Variants in TMEM182 observed in about 807,000 individuals in gnomAD.
TMEM182 encodes the protein transmembrane protein 182.
In TMEM182, 20 loss-of-function variants were observed where a neutral mutation model predicts 26.8. That is an observed-to-expected ratio of 0.75 (90% CI 0.53 to 1.09). The LOEUF (loss-of-function observed/expected upper bound fraction) is 1.09. Among genes scored for constraint, TMEM182 ranks in the 50% least tolerant of loss-of-function variants. TMEM182 has a pLI of 0.00. For synonymous variants in TMEM182, 109 were observed against 102.2 expected, an observed-to-expected ratio of 1.07 and a Z score of -0.40; for missense variants, 277 against 275.5, an observed-to-expected ratio of 1.01 and a Z score of -0.04.
At chr2:102,827,583 C>T (rs995329201) in intron 3 of TMEM182, among the ~76,000 whole-genome samples, 8 of 152,152 alleles carry the variant, frequency 5.3e-5, no homozygotes, top group African/African-American at 1.7e-4. Flanking sequence ...CGAAGTACTT[C>T]GTGCATCACT....
chr2:102,789,270 A>C (rs527345698), intron 3 of TMEM182, among the ~76,000 whole-genome samples: 1 of 152,320 alleles, frequency 6.6e-6, no homozygotes, highest in African/African-American at 2.4e-5. Flanking sequence ...ATAACACTTA[A>C]GTTTATCTTT....
At chr2:102,800,592 A>T (rs979217411) in intron 4 of TMEM182, among the ~76,000 whole-genome samples, 1 of 151,948 alleles carries the variant, frequency 6.6e-6, no homozygotes, top group Non-Finnish European at 1.5e-5. Context: ...ACATTTTTCT[A>T]TGGTCTTCCC....
intron 4 of TMEM182, among the ~76,000 whole-genome samples, chr2:102,798,523 A>T (rs113213399): frequency 6.6e-5 from 10 of 152,192 alleles, no homozygotes; most frequent in African/African-American, 1.7e-4. Flanking sequence ...ATTTTTCTAC[A>T]TCACTCCCAT....
chr2:102,835,234 T>C (rs915140273), intron 3 of TMEM182, among the ~76,000 whole-genome samples: 13 of 152,230 alleles, frequency 8.5e-5, no homozygotes, highest in Non-Finnish European at 1.8e-4. Flanking sequence ...TTTGGCTACA[T>C]GTAACATTGG....
chr2:102,796,360 G>A (rs529682163), intron 3 of TMEM182, among the ~76,000 whole-genome samples: 77 of 152,252 alleles, frequency 5.1e-4, no homozygotes, highest in Non-Finnish European at 9.3e-4. Flanking sequence ...CAGTACAGTC[G>A]TAGAATGGAT....
At chr2:102,838,616 TGAAGAA>T (rs1683292245) in intron 3 of TMEM182, among the ~76,000 whole-genome samples, 1 of 152,176 alleles carries the variant, frequency 6.6e-6, no homozygotes, top group Admixed American at 6.5e-5. Context: ...AGTAACAACC[TGAAGAA>T]TCAAAATCCT....
At chr2:102,832,340 A>G (rs1683169174) in intron 3 of TMEM182, among the ~76,000 whole-genome samples, 1 of 152,232 alleles carries the variant, frequency 6.6e-6, no homozygotes, top group African/African-American at 2.4e-5. Flanking sequence ...AAATCAACAC[A>G]TACATCACAG....
chr2:102,829,015 C>T (rs2104773561), intron 3 of TMEM182, among the ~76,000 whole-genome samples: 1 of 152,204 alleles, frequency 6.6e-6, no homozygotes, highest in South Asian at 2.1e-4. Context: ...AAAAGTTGTT[C>T]ATTTAAGTGG....
intron 4 of TMEM182, among the ~76,000 whole-genome samples, chr2:102,814,115 G>A (rs993018773): frequency 1.3e-5 from 2 of 151,484 alleles, no homozygotes; most frequent in African/African-American, 4.9e-5. Flanking sequence ...TTTAGATTCT[G>A]AAGAATCACG....
intron 1 of TMEM182, among the ~76,000 whole-genome samples, chr2:102,749,683 A>G (rs2104637642): frequency 6.6e-6 from 1 of 152,324 alleles, no homozygotes; most frequent in South Asian, 2.1e-4. Flanking sequence ...TATGTACAAA[A>G]GAGCATTTAT....
downstream of TMEM182, among the ~76,000 whole-genome samples, chr2:102,821,207 A>T (rs906310509): frequency 6.6e-6 from 1 of 152,154 alleles, no homozygotes; most frequent in Non-Finnish European, 1.5e-5. Flanking sequence ...CATAATTGAA[A>T]TCTTTAAAAT....
chr2:102,795,210 G>T (rs533228748), intron 3 of TMEM182, among the ~76,000 whole-genome samples: 1 of 152,106 alleles, frequency 6.6e-6, no homozygotes, highest in East Asian at 1.9e-4. Flanking sequence ...TATAGAAAAT[G>T]GTTCTAATAA....
rs530791189 is a variant in TMEM182 at position 102,749,676 on chromosome 2, G to A, written c.-82-8713G>A. Among the ~76,000 whole-genome samples, 508 of 152,194 alleles carry A rather than the reference G, an allele frequency of 3.3e-3. 6 individuals carry two copies. Among genetic ancestry groups the A allele is most frequent in the African/African-American group, 0.012 (485 of 41,540 alleles). On this transcript the variant is annotated intron_variant, in intron 1 of 5. Transcript: ENST00000409173. ...TGGAATCATAAAAGTACATAATTAT[G>A]TACAAAAGAGCATTTATAATATATA...
At chr2:102,759,861 C>T (rs1680154673), upstream of TMEM182, among the ~76,000 whole-genome samples, 1 of 152,182 alleles carries the variant, frequency 6.6e-6, no homozygotes, top group African/African-American at 2.4e-5. Context: ...AAACCAGCAA[C>T]TGTCTGACCC....
Position 102,815,676 on chromosome 2 carries a change from GATTGA to G in TMEM182, c.*712_*716del, listed in dbSNP as rs1682716468. ...TGCATACCAAATTATGTATAACGTAGATTGAATTTTTATGAACTTAAAGTGAGTTA... is the reference window on the plus strand; with the variant it reads ...TGCATACCAAATTATGTATAACGTAGATTTTTATGAACTTAAAGTGAGTTA... On this transcript the variant is annotated 3_prime_UTR_variant, in exon 5 of 5. Coordinates refer to ENST00000412401, the MANE Select transcript of TMEM182 (RefSeq NM_144632.5). 2.0e-6 allele frequency: 2 copies of G among 983,956 alleles called. No individual in the cohort carries two copies. Among genetic ancestry groups the G allele is most frequent in the Admixed American group, 1.2e-4 (2 of 16,258 alleles). 61.0% of individuals were successfully genotyped at this position (983,956 alleles called of 1,614,324 possible). A position where few individuals can be genotyped will look rare whatever the true frequency, so the allele number is the denominator to read the frequency against.
intron 1 of TMEM182, among the ~76,000 whole-genome samples, chr2:102,739,220 GAGTGTACCAGTCACCAGA>G (rs1474866614): frequency 3.9e-5 from 6 of 152,174 alleles, no homozygotes; most frequent in Non-Finnish European, 7.3e-5. Context: ...AGGTCAGCAG[GAGTGTACCAGTCACCAGA>G]ATGCCTTGAC....
At chr2:102,826,022 A>T (rs779637583) in intron 3 of TMEM182, among the ~76,000 whole-genome samples, 27 of 152,222 alleles carry the variant, frequency 1.8e-4, no homozygotes, top group Non-Finnish European at 3.5e-4. Flanking sequence ...TAGTTGCATG[A>T]ATTAACAACT....
intron 3 of TMEM182, among the ~76,000 whole-genome samples, chr2:102,789,518 GT>G (rs1379557345): frequency 6.6e-6 from 1 of 152,094 alleles, no homozygotes; most frequent in Non-Finnish European, 1.5e-5. Context: ...ATTCTTCCTG[GT>G]TTCTCACCAC....
intron 1 of TMEM182, among the ~76,000 whole-genome samples, chr2:102,748,000 C>T (rs1297485918): frequency 6.6e-6 from 1 of 152,106 alleles, no homozygotes; most frequent in Non-Finnish European, 1.5e-5. Flanking sequence ...GAAGGTCAGG[C>T]AACTCCCCCA....
Sources: gnomAD v4.1 joint callset for allele counts (sites outside exome capture counted in the v4.1 genomes callset) on GRCh38, gnomAD v4.1.1 for gene constraint, MANE v1.5 for transcripts, NCBI Gene and HGNC (gene_info 2026-07-23, HGNC 2026-07-21) for gene names.